SMCO2: variants seen among roughly 807,000 people sequenced by gnomAD.
The protein encoded by SMCO2 is single-pass membrane and coiled-coil domain-containing protein 2.
SMCO2 carries 25 observed loss-of-function variants against 29.5 expected under a neutral mutation model. The observed-to-expected ratio is 0.85, with a 90% CI of 0.62 to 1.18. The LOEUF is 1.18. Among genes scored for constraint, SMCO2 ranks in the 50% most tolerant of loss-of-function variants. The pLI, the probability that SMCO2 is intolerant of heterozygous loss-of-function variation, is 0.00. For synonymous variants in SMCO2, 117 were observed against 123.3 expected (o/e 0.95, Z 0.34); for missense variants, 348 against 344.5 (o/e 1.01, Z -0.08).
chr12:27,473,183 G>T, intron 3 of SMCO2: 2 of 306,838 alleles, frequency 6.5e-6, no homozygotes, highest in East Asian at 8.3e-5. Context: ...TCACCTTCGA[G>T]CAAATCACCA....
At chr12:27,461,827 A>G (rs73082061), upstream of SMCO2, among the ~76,000 whole-genome samples, 7,626 of 152,266 alleles carry the variant, frequency 0.05, 239 homozygotes, top group East Asian at 0.13. Flanking sequence ...ATTCATCAGA[A>G]CAATATTTGA....
the SMCO2 span, among the ~76,000 whole-genome samples, chr12:27,453,642 C>T: frequency 3.9e-5 from 6 of 152,324 alleles, no homozygotes; most frequent in South Asian, 1.2e-3. Flanking sequence ...CTCCCTCTAT[C>T]CCCAGCCTCC....
At chr12:27,461,545 C>T in the SMCO2 span, among the ~76,000 whole-genome samples, 4 of 151,902 alleles carry the variant, frequency 2.6e-5, no homozygotes, top group South Asian at 2.1e-4. Flanking sequence ...CTTAGGGTAA[C>T]GTTTAAAATA....
At chr12:27,497,826 A>G (rs76058757) in intron 7 of SMCO2, 3,229 of 236,140 alleles carry the variant, frequency 0.014, 97 homozygotes, top group Non-Finnish European at 0.021. Flanking sequence ...GAAAGAAGAT[A>G]TGGTTATCTC....
At chr12:27,431,198 G>A in the SMCO2 span, among the ~76,000 whole-genome samples, 1 of 151,964 alleles carries the variant, frequency 6.6e-6, no homozygotes, top group Non-Finnish European at 1.5e-5. Context: ...TAAATTTTTA[G>A]TAGAGATGGG....
chr12:27,454,780 G>T, the SMCO2 span, among the ~76,000 whole-genome samples: 1 of 152,130 alleles, frequency 6.6e-6, no homozygotes, highest in African/African-American at 2.4e-5. Flanking sequence ...CTGTGCCCAT[G>T]TGTTCTCATC....
chr12:27,450,167 G>C, the SMCO2 span, among the ~76,000 whole-genome samples: 1 of 152,208 alleles, frequency 6.6e-6, no homozygotes, highest in Non-Finnish European at 1.5e-5. Context: ...TGCCTGTCCT[G>C]TTCTGAGGGT....
At chr12:27,451,473 T>A in the SMCO2 span, among the ~76,000 whole-genome samples, 1 of 152,200 alleles carries the variant, frequency 6.6e-6, no homozygotes, top group Non-Finnish European at 1.5e-5. Context: ...TCGTTTTATA[T>A]GTGTTTCTGT....
upstream of SMCO2, among the ~76,000 whole-genome samples, chr12:27,462,253 TAG>T (rs1949464454): frequency 6.6e-6 from 1 of 152,220 alleles, no homozygotes; most frequent in African/African-American, 2.4e-5. Context: ...CACTCTTGCT[TAG>T]AGTCTAACGG....
chr12:27,482,412 C>T (rs958995870), intron 4 of SMCO2, among the ~76,000 whole-genome samples: 2 of 152,184 alleles, frequency 1.3e-5, no homozygotes, highest in African/African-American at 2.4e-5. Context: ...AGCATTTCTC[C>T]TGCTCAGCCT....
the SMCO2 span, among the ~76,000 whole-genome samples, chr12:27,459,380 C>A: frequency 6.6e-6 from 1 of 152,002 alleles, no homozygotes; most frequent in Non-Finnish European, 1.5e-5. Flanking sequence ...AACAGAAAAC[C>A]AAATGCCACA....
the SMCO2 span, among the ~76,000 whole-genome samples, chr12:27,442,028 A>G: frequency 6.6e-6 from 1 of 152,218 alleles, no homozygotes; most frequent in Admixed American, 6.5e-5. Flanking sequence ...AAATGGAAAT[A>G]CAACATACCA....
At chr12:27,429,107 G>T in the SMCO2 span, among the ~76,000 whole-genome samples, 4 of 152,066 alleles carry the variant, frequency 2.6e-5, no homozygotes, top group Non-Finnish European at 5.9e-5. Context: ...TGGACACATA[G>T]ATTATATGTA....
chr12:27,453,099 T>C, the SMCO2 span, among the ~76,000 whole-genome samples: 10 of 152,158 alleles, frequency 6.6e-5, no homozygotes, highest in South Asian at 2.1e-4. Context: ...CATCTGTAGA[T>C]TGGCCCCCAG....
intron 1 of SMCO2, among the ~76,000 whole-genome samples, chr12:27,467,990 A>T (rs990915859): frequency 6.6e-5 from 10 of 152,218 alleles, no homozygotes; most frequent in Non-Finnish European, 1.2e-4. Context: ...TTATTTTAAT[A>T]GATAGATCGA....
chr12:27,460,254 T>C, the SMCO2 span, among the ~76,000 whole-genome samples: 1 of 152,098 alleles, frequency 6.6e-6, no homozygotes. Context: ...TAAATAAGAG[T>C]TGACCCTTGC....
chr12:27,491,766 C>T, intron 5 of SMCO2, among the ~76,000 whole-genome samples: 1 of 151,200 alleles, frequency 6.6e-6, no homozygotes, highest in East Asian at 1.9e-4. Context: ...GACAATGGCG[C>T]TATCTCGGCT....
chr12:27,486,551 C>T (rs2135564904), intron 4 of SMCO2, among the ~76,000 whole-genome samples: 1 of 152,314 alleles, frequency 6.6e-6, no homozygotes, highest in South Asian at 2.1e-4. Flanking sequence ...ATTCCTGTTA[C>T]TCCATGTTGA....
chr12:27,440,282 A>G, the SMCO2 span, among the ~76,000 whole-genome samples: 1 of 152,260 alleles, frequency 6.6e-6, no homozygotes, highest in Non-Finnish European at 1.5e-5. Flanking sequence ...AAGGAGTGAT[A>G]AAATCTTTTA....
Sources: gnomAD v4.1 joint callset for allele counts (sites outside exome capture counted in the v4.1 genomes callset) on GRCh38, gnomAD v4.1.1 for gene constraint, MANE v1.5 for transcripts, NCBI Gene and HGNC (gene_info 2026-07-23, HGNC 2026-07-21) for gene names.